FHOD3: variants seen among roughly 807,000 people sequenced by gnomAD.
FHOD3 encodes formin homology 2 domain containing 3.
In FHOD3, 90 loss-of-function variants were observed where a neutral mutation model predicts 173.0. The observed-to-expected ratio is 0.52, with a 90% confidence interval of 0.44 to 0.62. The LOEUF is 0.62. Ranked by LOEUF, FHOD3 falls within the 20% of genes least tolerant of loss-of-function variation. The pLI, the probability that FHOD3 is intolerant of heterozygous loss-of-function variation, is 0.00. For missense variants in FHOD3, 1,945 were observed against 2,034.7 expected (o/e 0.96, Z 0.85); for synonymous variants, 828 against 823.0 (o/e 1.01, Z -0.10).
At position 36,779,445 on chromosome 18, in the gene FHOD3, C is replaced by G; in HGVS notation, c.4787-3C>G. On this transcript the variant is annotated splice_region_variant and splice_polypyrimidine_tract_variant and intron_variant, in intron 28 of 28. Transcript: ENST00000590592. ...TTGGGTGTGACCTGCACCACCACTG[C>G]AGTGCGAAGAACCCTGAAGAGCGGC... The G allele has an allele frequency of 1.9e-6, 3 of 1,614,042 alleles. No homozygotes were observed. The highest frequency in any genetic ancestry group is 2.5e-6 in the Non-Finnish European group (3 of 1,179,910).
At chr18:36,681,333 G>A in intron 14 of FHOD3, 103 bp from the exon 15 acceptor site, 1 of 1,396,148 alleles carries the variant, frequency 7.2e-7, no homozygotes, top group Non-Finnish European at 9.8e-7. Flanking sequence ...CATTGCCTAG[G>A]TACCGGCAGA....
chr18:36,602,480 G>C (rs2031520781), intron 7 of FHOD3, among the ~76,000 whole-genome samples, 194 bp from the exon 8 acceptor site: 1 of 152,180 alleles, frequency 6.6e-6, no homozygotes, highest in African/African-American at 2.4e-5. Flanking sequence ...ATGTGAGATA[G>C]GGTTCCCTAC....
chr18:36,394,241 T>A (rs1333170875), intron 3 of FHOD3, among the ~76,000 whole-genome samples: 1 of 152,206 alleles, frequency 6.6e-6, no homozygotes, highest in African/African-American at 2.4e-5. Flanking sequence ...AATATCAATT[T>A]AAATATTGGG....
chr18:36,771,721 C>T (rs1001135328), intron 28 of FHOD3, among the ~76,000 whole-genome samples: 3 of 152,316 alleles, frequency 2.0e-5, no homozygotes, highest in East Asian at 3.9e-4. Flanking sequence ...GCAACCTCAT[C>T]GCAGGGCTCA....
At chr18:36,694,346 A>C (rs1056382796) in intron 17 of FHOD3, among the ~76,000 whole-genome samples, 1 of 152,136 alleles carries the variant, frequency 6.6e-6, no homozygotes, top group African/African-American at 2.4e-5. Context: ...TAATGGAACG[A>C]TATTGTCTGT....
intron 14 of FHOD3, among the ~76,000 whole-genome samples, chr18:36,658,547 A>G (rs182736497): frequency 6.6e-6 from 1 of 152,322 alleles, no homozygotes; most frequent in Admixed American, 6.5e-5. Context: ...TCACCATTGA[A>G]TGATTAAATC....
At chr18:36,380,714 T>C (rs2047737099) in intron 3 of FHOD3, among the ~76,000 whole-genome samples, 1 of 151,504 alleles carries the variant, frequency 6.6e-6, no homozygotes. Flanking sequence ...ATAATGTATT[T>C]ACGAGTACTT....
At chr18:36,769,496 G>A (rs1025853340) in intron 28 of FHOD3, 70 bp downstream of exon 28, 21 of 1,533,452 alleles carry the variant, frequency 1.4e-5, no homozygotes, top group Non-Finnish European at 1.8e-5. Flanking sequence ...ACGTGAACTG[G>A]GAAAGGTGGA....
At chr18:36,643,384 C>A (rs1415584292) in intron 10 of FHOD3, among the ~76,000 whole-genome samples, 3 of 151,956 alleles carry the variant, frequency 2.0e-5, no homozygotes, top group Non-Finnish European at 4.4e-5. Flanking sequence ...TGCCCTCCAC[C>A]CCTGTTGTGA....
intron 3 of FHOD3, among the ~76,000 whole-genome samples, chr18:36,377,193 C>A (rs980327254): frequency 3.3e-5 from 5 of 152,136 alleles, no homozygotes; most frequent in Non-Finnish European, 5.9e-5. Context: ...CTCCTTTCTT[C>A]CCAGACCCTT....
At position 36,570,291 on chromosome 18, in the gene FHOD3, A is replaced by T. The variant is rs567838004; in HGVS notation, c.512-6160A>T. On this transcript the variant is annotated intron_variant, in intron 5 of 28. Coordinates refer to ENST00000590592, the MANE Select transcript of FHOD3 (RefSeq NM_001281740.3). ...TTGATACATTAGATGAAATGGATCA[A>T]TTCCTTAAATGGATCATTTCCTTAA... 2.6e-5 allele frequency among the ~76,000 whole-genome samples: 4 copies of T among 152,204 alleles called. No individual in the cohort carries two copies. In the East Asian group the frequency reaches 7.7e-4, roughly 29 times the overall value.
chr18:36,528,008 T>C (rs1338454641), intron 5 of FHOD3, among the ~76,000 whole-genome samples: 1 of 152,148 alleles, frequency 6.6e-6, no homozygotes, highest in East Asian at 1.9e-4. Flanking sequence ...CATTTGCCCC[T>C]TGCCCTTCCC....
intron 18 of FHOD3, among the ~76,000 whole-genome samples, chr18:36,714,410 C>T (rs1382110905): frequency 6.6e-6 from 1 of 152,006 alleles, no homozygotes; most frequent in Admixed American, 6.6e-5. Context: ...TGGTGGCTCG[C>T]GCCTGTAGTC....
intron 3 of FHOD3, among the ~76,000 whole-genome samples, chr18:36,468,875 C>T (rs1456944669): frequency 2.6e-5 from 4 of 152,098 alleles, no homozygotes; most frequent in Non-Finnish European, 5.9e-5. Context: ...GTAATCCCAC[C>T]GACAGACACT....
intron 2 of FHOD3, among the ~76,000 whole-genome samples, chr18:36,357,384 TAGTGTCCAGGTGAATGGCGC>T: frequency 6.6e-6 from 1 of 152,362 alleles, no homozygotes; most frequent in Admixed American, 6.5e-5. Context: ...TAGCGAATAC[TAGTGTCCAGGTGAATGGCGC>T]ATTGCCAGAA....
In FHOD3 at chr18:36,579,071, G is replaced by A. The variant is rs111774012; in HGVS notation, c.606+2526G>A. Among the ~76,000 whole-genome samples the A allele has an allele frequency of 9.0e-3, 1,363 of 152,266 alleles. 20 individuals are homozygous for A. The highest frequency in any genetic ancestry group is 0.031 in the African/African-American group (1,307 of 41,544). On this transcript the variant is annotated intron_variant, in intron 6 of 28. Transcript: ENST00000590592. Reference sequence around the variant, plus strand: ...CTTTCTAGGTTGCATCAGCCAGACCGAGGGAAGATTTATATCTCATATCCT... The same window carrying A: ...CTTTCTAGGTTGCATCAGCCAGACCAAGGGAAGATTTATATCTCATATCCT...
chr18:36,558,850 T>G (rs2057988335), intron 5 of FHOD3, among the ~76,000 whole-genome samples: 2 of 152,222 alleles, frequency 1.3e-5, no homozygotes, highest in South Asian at 4.1e-4. Context: ...TCTTATGAAC[T>G]AAAAACTCAA....
intron 5 of FHOD3, among the ~76,000 whole-genome samples, chr18:36,574,970 C>G (rs79698640): frequency 6.8e-6 from 1 of 146,394 alleles, no homozygotes; most frequent in Non-Finnish European, 1.5e-5. Context: ...TCTTTTTTCT[C>G]TTTTTTTTTT....
At chr18:36,342,591 A>G (rs958610028) in intron 1 of FHOD3, among the ~76,000 whole-genome samples, 1 of 152,236 alleles carries the variant, frequency 6.6e-6, no homozygotes, top group African/African-American at 2.4e-5. Context: ...CTACTAATGT[A>G]GCATTCTTTA....
Sources: gnomAD v4.1 joint callset for allele counts (sites outside exome capture counted in the v4.1 genomes callset) on GRCh38, gnomAD v4.1.1 for gene constraint, MANE v1.5 for transcripts, NCBI Gene and HGNC (gene_info 2026-07-23, HGNC 2026-07-21) for gene names.